KIF1B: variants seen among roughly 807,000 people sequenced by gnomAD.
KIF1B encodes kinesin-like protein KIF1B.
A neutral mutation model predicts 241.9 loss-of-function variants in KIF1B; 76 were observed. The ratio of observed to expected loss-of-function variants is 0.31; its 90% CI spans 0.26 to 0.38. The LOEUF (loss-of-function observed/expected upper bound fraction) is 0.38. KIF1B is among the 10% of genes least tolerant of loss of function. The probability of loss-of-function intolerance (pLI) is 1.00; values close to 1 mark genes in which losing one functional copy is unlikely to be tolerated. For synonymous variants in KIF1B, 750 were observed against 796.7 expected (o/e 0.94, Z 0.99); for missense variants, 1,622 against 2,271.4 (o/e 0.71, Z 5.81).
Position 10,377,789 on chromosome 1 carries a change from A to C in KIF1B, c.*1202A>C, listed in dbSNP as rs1467592451. 5.4e-6 allele frequency: 1 copy of C among 183,584 alleles called. No individual in the cohort carries two copies. Among genetic ancestry groups the C allele is most frequent in the Non-Finnish European group, 1.2e-5 (1 of 86,520 alleles). 11.4% of individuals were successfully genotyped at this position (183,584 alleles called of 1,614,324 possible). ...CCGTCTCTACTAAAAATACAAAATT[A>C]GTCGGGTATGGTGGCACATGCCTGT... On this transcript the variant is annotated 3_prime_UTR_variant, in exon 49 of 49. Transcript: ENST00000676179.
At chr1:10,283,384 C>T (rs958059992) in intron 15 of KIF1B, among the ~76,000 whole-genome samples, 2 of 152,178 alleles carry the variant, frequency 1.3e-5, no homozygotes, top group African/African-American at 2.4e-5. Context: ...GGTCACAGGG[C>T]CATAGTGCTG....
intron 1 of KIF1B, among the ~76,000 whole-genome samples, chr1:10,215,138 T>TTATATATATATATATATA (rs1162229178): frequency 3.4e-5 from 2 of 59,566 alleles, no homozygotes; most frequent in African/African-American, 1.6e-4. Flanking sequence ...TTTATATATT[T>TTATATATATATATATATA]TATATATATA....
At position 10,366,209 on chromosome 1, in the gene KIF1B, C is replaced by T. The variant is rs921742611; in HGVS notation, c.4752+561C>T. ...TAGCTCCACTGTGCTCCAGCCTGAG[C>T]GACAGAGTGACACTCCATCTCAAAA... On this transcript the variant is annotated intron_variant, in intron 43 of 48. Coordinates refer to ENST00000676179, the MANE Select transcript of KIF1B (RefSeq NM_001365951.3). Among the ~76,000 whole-genome samples, 74 of 151,742 alleles carry T rather than the reference C, an allele frequency of 4.9e-4. 1 individual carries two copies. Among genetic ancestry groups the T allele is most frequent in the South Asian group, 2.1e-4 (1 of 4,808 alleles).
Position 10,323,995 on chromosome 1 carries a change from G to C in KIF1B, c.2470G>C (p.Val824Leu), listed in dbSNP as rs377108781. 1 of 1,614,090 alleles carries C rather than the reference G, an allele frequency of 6.2e-7. No homozygotes were observed. The highest frequency in any genetic ancestry group is 1.3e-5 in the African/African-American group (1 of 74,932). The change falls in exon 25 of 49, where the codon GTG (valine) becomes CTG (leucine). Residue 824 changes from valine (V) to leucine (L), a missense_variant. Physicochemically the swap from Val to Leu is conservative, Grantham distance 32 (BLOSUM62 1). This residue lies in a region of KIF1B where 803 missense variants were observed against 1,112.0 expected (regional missense o/e 0.72). Transcript: ENST00000676179. ...THEDRPFPRT[V>L]VAVEVQDLKN... ...TGAGGACAGGCCTTTCCCTCGCACA[G>C]TGGTAGCAGTAGAAGTCCAGGATTT...
chr1:10,261,008 C>T (rs1015466285), intron 4 of KIF1B, among the ~76,000 whole-genome samples: 1 of 151,502 alleles, frequency 6.6e-6, no homozygotes, highest in Non-Finnish European at 1.5e-5. Flanking sequence ...GCTTTGTCAC[C>T]CAGGCTGGAG....
intron 2 of KIF1B, among the ~76,000 whole-genome samples, chr1:10,245,527 CA>C (rs1291278407): frequency 9.2e-5 from 14 of 151,876 alleles, no homozygotes; most frequent in African/African-American, 2.4e-4. Context: ...AACCTGAAGA[CA>C]AAAGGGAAAA....
In KIF1B at chr1:10,291,157, G is replaced by A. The variant is rs766299653; in HGVS notation, c.1510G>A (p.Glu504Lys). 2 of 1,605,322 alleles carry A rather than the reference G, an allele frequency of 1.2e-6. No homozygotes were observed. Reference protein sequence around the residue: ...KLRKTEAIRMEREALLAEMGV... With the variant: ...KLRKTEAIRMKREALLAEMGV... ...TCGTAAAACAGAGGCCATCAGAATG[G>A]AGAGGTCAGGAGGTTAAAATCTGGA... The change falls in exon 16 of 49, where the codon GAG becomes AAG. Residue 504 changes from glutamate (E) to lysine (K), a missense_variant. Glu to Lys is a moderately conservative substitution (Grantham distance 56). Around this residue, in one of 7 missense-constraint regions of KIF1B, gnomAD observed 57 missense variants for 149.0 expected, o/e 0.38. Coordinates refer to ENST00000676179, the MANE Select transcript of KIF1B (RefSeq NM_001365951.3).
intron 1 of KIF1B, among the ~76,000 whole-genome samples, chr1:10,215,138 T>TTATATATATATATATA (rs1162229178): frequency 1.0e-4 from 6 of 59,564 alleles, no homozygotes; most frequent in African/African-American, 1.6e-4. Context: ...TTTATATATT[T>TTATATATATATATATA]TATATATATA....
intron 38 of KIF1B, 23 bp from the exon 39 acceptor site, chr1:10,360,906 C>T: frequency 1.3e-6 from 2 of 1,513,730 alleles, no homozygotes; most frequent in Non-Finnish European, 1.8e-6. Flanking sequence ...TTGGATGATT[C>T]CCTCTTGTCT....
chr1:10,276,034 TA>T (rs1649087285), intron 11 of KIF1B, among the ~76,000 whole-genome samples: 1 of 151,850 alleles, frequency 6.6e-6, no homozygotes, highest in Admixed American at 6.6e-5. Context: ...GCCTCCCGAG[TA>T]GCTGGGATTA....
intron 40 of KIF1B, among the ~76,000 whole-genome samples, chr1:10,362,710 A>G (rs962921154): frequency 6.6e-6 from 1 of 152,108 alleles, no homozygotes; most frequent in African/African-American, 2.4e-5. Context: ...TAGTTTTCAC[A>G]TTTATATTTT....
At chr1:10,375,786 G>GTTTTTTTTTTTTTT (rs201620952) in intron 48 of KIF1B, among the ~76,000 whole-genome samples, 3 of 69,566 alleles carry the variant, frequency 4.3e-5, no homozygotes, top group Admixed American at 2.0e-4. Flanking sequence ...TTCTTTTCTT[G>GTTTTTTTTTTTTTT]TTTTTTTTTT....
chr1:10,341,667 A>C (rs1446627413), intron 32 of KIF1B, among the ~76,000 whole-genome samples: 1 of 152,226 alleles, frequency 6.6e-6, no homozygotes, highest in African/African-American at 2.4e-5. Flanking sequence ...CAGATACTGG[A>C]CACTCAGCAG....
At chr1:10,359,698 A>G (rs573270591) in intron 38 of KIF1B, among the ~76,000 whole-genome samples, 2 of 151,982 alleles carry the variant, frequency 1.3e-5, no homozygotes, top group South Asian at 2.1e-4. Context: ...ATTCTCTTTT[A>G]CTGAAACATC....
At chr1:10,250,957 TC>T (rs2102170445) in intron 2 of KIF1B, among the ~76,000 whole-genome samples, 1 of 152,052 alleles carries the variant, frequency 6.6e-6, no homozygotes, top group East Asian at 1.9e-4. Flanking sequence ...GAGGTAAGGA[TC>T]CTGTTCAAGG....
chr1:10,268,677 T>A (rs1380455979), intron 7 of KIF1B, among the ~76,000 whole-genome samples: 1 of 151,640 alleles, frequency 6.6e-6, no homozygotes, highest in Non-Finnish European at 1.5e-5. Context: ...ATTAAATGTT[T>A]AAGCAAATGA....
chr1:10,336,545 G>T, intron 28 of KIF1B, 112 bp from the exon 29 acceptor site: 1 of 831,554 alleles, frequency 1.2e-6, no homozygotes, highest in Non-Finnish European at 2.1e-6. Context: ...TTACTACTTT[G>T]GTATCATTCT....
chr1:10,323,125 G>A (rs1023525372), intron 24 of KIF1B, among the ~76,000 whole-genome samples: 1 of 152,064 alleles, frequency 6.6e-6, no homozygotes, highest in African/African-American at 2.4e-5. Context: ...GCCTTCTAGT[G>A]TGCTGGGATT....
intron 2 of KIF1B, 53 bp from the exon 3 acceptor site, chr1:10,256,190 TTAAC>T (rs1647770897): frequency 9.3e-7 from 1 of 1,073,346 alleles, no homozygotes; most frequent in East Asian, 2.4e-5. Context: ...AATAACATGT[TTAAC>T]TAAAGAACTT....
Sources: gnomAD v4.1 joint callset for allele counts (sites outside exome capture counted in the v4.1 genomes callset) on GRCh38, gnomAD v4.1.1 for gene constraint, gnomAD v4.1.1 regional missense constraint, MANE v1.5 for transcripts, NCBI Gene and HGNC (gene_info 2026-07-23, HGNC 2026-07-21) for gene names.